COMMD10: variants seen among roughly 807,000 people sequenced by gnomAD.
COMMD10 encodes the protein COMM domain containing 10.
A neutral mutation model predicts 28.9 loss-of-function variants in COMMD10; 33 were observed. That is an observed-to-expected ratio of 1.14 (90% confidence interval 0.87 to 1.53). COMMD10 has a LOEUF of 1.53. Ranked by LOEUF, COMMD10 falls within the 40% of genes most tolerant of loss-of-function variation. The probability of loss-of-function intolerance (pLI) is 0.00; values close to 1 mark genes in which losing one functional copy is unlikely to be tolerated. For missense variants in COMMD10, 310 were observed against 233.4 expected, an observed-to-expected ratio of 1.33 and a Z score of -2.14; for synonymous variants, 110 against 81.7, an observed-to-expected ratio of 1.35 and a Z score of -1.87.
chr5:116,089,954 G>A (rs1042210770), intron 2 of COMMD10, among the ~76,000 whole-genome samples: 3 of 152,114 alleles, frequency 2.0e-5, no homozygotes, highest in African/African-American at 4.8e-5. Context: ...CGACTCCATC[G>A]AGTTGGCCTT....
rs1427241750 is a variant in COMMD10 at position 116,293,177 on chromosome 5, A to C, written c.*688A>C. 2 of 390,904 alleles carry C rather than the reference A, an allele frequency of 5.1e-6. No homozygotes were observed. The highest frequency in any genetic ancestry group is 8.9e-5 in the Admixed American group (2 of 22,538). 24.2% of individuals were successfully genotyped at this position (390,904 alleles called of 1,614,324 possible). The stretch of plus-strand genomic sequence containing the variant: ...GGGAGACAGAATCAGGTCTTGAATA[A>C]AATAATTGTAATGAGTGCTAAATGG... On this transcript the variant is annotated 3_prime_UTR_variant, in exon 7 of 7. Coordinates refer to ENST00000274458, the MANE Select transcript of COMMD10 (RefSeq NM_016144.4).
chr5:116,217,869 C>T (rs1749146575), intron 5 of COMMD10, among the ~76,000 whole-genome samples: 1 of 151,940 alleles, frequency 6.6e-6, no homozygotes, highest in South Asian at 2.1e-4. Flanking sequence ...ATGCCCCTTC[C>T]CCACAAAACA....
chr5:116,280,670 G>A (rs1336965118), intron 5 of COMMD10, among the ~76,000 whole-genome samples: 1 of 151,784 alleles, frequency 6.6e-6, no homozygotes, highest in Non-Finnish European at 1.5e-5. Flanking sequence ...AGTTGTAAAT[G>A]TAAGTAGAGT....
chr5:116,133,930 G>C, intron 4 of COMMD10, 138 bp from the exon 5 acceptor site: 1 of 581,588 alleles, frequency 1.7e-6, no homozygotes, highest in Non-Finnish European at 3.1e-6. Flanking sequence ...GAGTATGCAG[G>C]TTAAAAGAGC....
intron 4 of COMMD10, among the ~76,000 whole-genome samples, chr5:116,116,898 T>C (rs1380013510): frequency 1.3e-5 from 2 of 152,154 alleles, no homozygotes; most frequent in African/African-American, 4.8e-5. Flanking sequence ...AGAAGTTATA[T>C]ACACACATTT....
At chr5:116,191,702 A>G (rs186254878) in intron 5 of COMMD10, among the ~76,000 whole-genome samples, 266 of 150,956 alleles carry the variant, frequency 1.8e-3, no homozygotes, top group Non-Finnish European at 2.5e-3. Flanking sequence ...GTCCTTCCCT[A>G]CCCACCCTAG....
chr5:116,112,763 T>G (rs976425276), intron 4 of COMMD10, among the ~76,000 whole-genome samples: 2 of 152,188 alleles, frequency 1.3e-5, no homozygotes, highest in African/African-American at 2.4e-5. Context: ...CCATTTATGT[T>G]TGAGGTGGTA....
At chr5:116,268,015 A>T (rs1580598720) in intron 5 of COMMD10, among the ~76,000 whole-genome samples, 1 of 151,792 alleles carries the variant, frequency 6.6e-6, no homozygotes, top group South Asian at 2.1e-4. Flanking sequence ...AACCTAGGCA[A>T]TACCATTCAG....
intron 5 of COMMD10, among the ~76,000 whole-genome samples, chr5:116,166,979 A>G (rs1753141837): frequency 6.6e-6 from 1 of 152,132 alleles, no homozygotes; most frequent in Non-Finnish European, 1.5e-5. Flanking sequence ...GCAAGGGAAC[A>G]TAACTGGTTG....
intron 5 of COMMD10, among the ~76,000 whole-genome samples, chr5:116,140,868 C>A (rs1373385773): frequency 6.6e-6 from 1 of 151,750 alleles, no homozygotes; most frequent in African/African-American, 2.4e-5. Flanking sequence ...GCAAATTTTT[C>A]TTCCAGTCTG....
chr5:116,161,864 C>T (rs10058954), intron 5 of COMMD10, among the ~76,000 whole-genome samples: 128,178 of 152,038 alleles, frequency 0.84, 54,374 homozygotes, highest in African/African-American at 0.92. Context: ...AATAAACTCA[C>T]GTATAAATGG....
At chr5:116,190,135 C>T (rs760089407) in intron 5 of COMMD10, among the ~76,000 whole-genome samples, 2 of 152,100 alleles carry the variant, frequency 1.3e-5, no homozygotes, top group African/African-American at 2.4e-5. Flanking sequence ...CTTCAAGCAC[C>T]ACAGCCTCAC....
At chr5:116,126,396 A>C (rs1482525461) in intron 4 of COMMD10, among the ~76,000 whole-genome samples, 2 of 143,478 alleles carry the variant, frequency 1.4e-5, no homozygotes, top group African/African-American at 5.8e-5. Context: ...ACTACCAATG[A>C]CTTTCTTCAC....
intron 5 of COMMD10, among the ~76,000 whole-genome samples, chr5:116,145,431 A>T (rs1160672645): frequency 1.5e-5 from 2 of 134,616 alleles, no homozygotes. Context: ...GGTGAAAAGG[A>T]CAAAGGGTTT....
At chr5:116,277,781 C>A (rs1750959585) in intron 5 of COMMD10, among the ~76,000 whole-genome samples, 1 of 151,820 alleles carries the variant, frequency 6.6e-6, no homozygotes, top group Non-Finnish European at 1.5e-5. Context: ...TACGTGACAG[C>A]ACAAGATAGA....
intron 5 of COMMD10, among the ~76,000 whole-genome samples, chr5:116,180,568 C>G (rs957134194): frequency 7.3e-5 from 11 of 151,688 alleles, no homozygotes; most frequent in African/African-American, 2.7e-4. Context: ...GTGAAATTTT[C>G]TATTAGCAGT....
chr5:116,155,318 G>T (rs536218959), intron 5 of COMMD10, among the ~76,000 whole-genome samples: 2 of 152,156 alleles, frequency 1.3e-5, no homozygotes, highest in African/African-American at 4.8e-5. Flanking sequence ...TGGGTTGTTT[G>T]TGCATTGTCC....
intron 4 of COMMD10, among the ~76,000 whole-genome samples, chr5:116,131,529 C>G (rs78398480): frequency 0.016 from 2,373 of 152,026 alleles, 74 homozygotes; most frequent in African/African-American, 0.054. Context: ...TTTTCTTCCT[C>G]TTTCATACAT....
intron 4 of COMMD10, among the ~76,000 whole-genome samples, chr5:116,106,741 T>A (rs1347873976): frequency 6.6e-6 from 1 of 152,192 alleles, no homozygotes; most frequent in Non-Finnish European, 1.5e-5. Context: ...TGTAATGCCC[T>A]TGTCTCTTTT....
Sources: allele counts gnomAD v4.1 joint callset (sites outside exome capture counted in the v4.1 genomes callset), GRCh38; gene constraint gnomAD v4.1.1; transcripts MANE v1.5; gene names NCBI Gene and HGNC (gene_info 2026-07-23, HGNC 2026-07-21).